Variants in MT4 observed in about 807,000 individuals in gnomAD.
MT4 encodes metallothionein-4.
MT4 carries 11 observed loss-of-function variants against 9.5 expected under a neutral mutation model. The ratio of observed to expected loss-of-function variants is 1.16; its 90% CI spans 0.73 to 1.92. The LOEUF is 1.92. MT4 is among the 30% of genes most tolerant of loss of function. MT4 has a pLI of 0.00. For synonymous variants in MT4, 29 were observed against 24.6 expected, an observed-to-expected ratio of 1.18 and a Z score of -0.53; for missense variants, 88 against 78.7, an observed-to-expected ratio of 1.12 and a Z score of -0.45.
At chr16:56,568,442 T>C (rs1161180687) in intron 2 of MT4, among the ~76,000 whole-genome samples, 1 of 152,012 alleles carries the variant, frequency 6.6e-6, no homozygotes, top group African/African-American at 2.4e-5. Flanking sequence ...ATGAGAACTA[T>C]GTAGAGACCT....
At chr16:56,566,718 GA>G (rs59867654) in intron 1 of MT4, among the ~76,000 whole-genome samples, 4,832 of 25,086 alleles carry the variant, frequency 0.19, 130 homozygotes, top group South Asian at 0.3. Flanking sequence ...AAGAAAGAAA[GA>G]AAGAAAGAAA....
chr16:56,565,359 G>T (rs1207067510), intron 1 of MT4, among the ~76,000 whole-genome samples, 200 bp downstream of exon 1: 3 of 152,304 alleles, frequency 2.0e-5, no homozygotes, highest in Non-Finnish European at 4.4e-5. Flanking sequence ...TTCTAGAATC[G>T]ATATCCTAGC....
intron 2 of MT4, among the ~76,000 whole-genome samples, chr16:56,568,271 GAGAA>G (rs58324349): frequency 3.9e-3 from 228 of 58,592 alleles, no homozygotes; most frequent in African/African-American, 9.3e-3. Context: ...GAGAGAGAGA[GAGAA>G]AGAAAGAAAG....
chr16:56,565,100 A>G lies in MT4; in HGVS notation c.-29A>G. 1.9e-6 allele frequency: 3 copies of G among 1,612,700 alleles called. No homozygotes were observed. Among genetic ancestry groups the G allele is most frequent in the Non-Finnish European group, 2.5e-6 (3 of 1,179,380 alleles). On this transcript the variant is annotated 5_prime_UTR_variant, in exon 1 of 3. Coordinates refer to ENST00000219162, the MANE Select transcript of MT4 (RefSeq NM_032935.3). The stretch of plus-strand genomic sequence containing the variant: ...TCAGCCTCCCTTCCCCAGCCGTGAC[A>G]GCACTGGAGCCTTTCGGACACCTGG...
chr16:56,566,722 GAAAGAAA>G lies in MT4; in HGVS notation c.32-1028_32-1022del, dbSNP rs1567329791. Among the ~76,000 whole-genome samples the G allele has an allele frequency of 8.9e-3, 431 of 48,468 alleles. 3 individuals are homozygous for G. The highest frequency in any genetic ancestry group is 0.055 in the South Asian group (75 of 1,368). The allele number at this position is 48,468 out of a possible 152,430, so 31.8% of individuals were successfully genotyped here. Reference sequence around the variant, plus strand: ...AAAGAGAAAGAAAGAAAGAAAGAAAGAAAGAAAGAAAGAAAGAAAGAAAGAAGGAAGG... The same window carrying G: ...AAAGAGAAAGAAAGAAAGAAAGAAAGGAAAGAAAGAAAGAAAGAAGGAAGG... On this transcript the variant is annotated intron_variant, in intron 1 of 2. Coordinates refer to ENST00000219162, the MANE Select transcript of MT4 (RefSeq NM_032935.3).
chr16:56,568,257 A>AAGAGAGAGAG (rs200348412), intron 2 of MT4, among the ~76,000 whole-genome samples: 6 of 83,288 alleles, frequency 7.2e-5, no homozygotes, highest in East Asian at 7.5e-4. Context: ...GAAAGAAAGA[A>AAGAGAGAGAG]AGAGAGAGAG....
chr16:56,565,181 G>A (rs1272672592), intron 1 of MT4, 22 bp downstream of exon 1: 11 of 1,607,770 alleles, frequency 6.8e-6, no homozygotes, highest in African/African-American at 1.3e-5. Flanking sequence ...AGCCCTCCCT[G>A]GGGTCTGGGA....
chr16:56,568,249 A>AGAG lies in MT4; in HGVS notation c.97+433_97+434insGAG, dbSNP rs1567330579. 8.9e-4 allele frequency among the ~76,000 whole-genome samples: 40 copies of AGAG among 45,058 alleles called. 2 individuals are homozygous for AGAG. Among genetic ancestry groups the AGAG allele is most frequent in the South Asian group, 2.0e-3 (2 of 1,018 alleles). 29.6% of individuals were successfully genotyped at this position (45,058 alleles called of 152,430 possible). A position where few individuals can be genotyped will look rare whatever the true frequency, so the allele number is the denominator to read the frequency against. ...AAAGAAAGAAAGAAAGAAAGAAAGA[A>AGAG]AGAAAGAAAGAGAGAGAGAGAGAGA... is the stretch of plus-strand genomic sequence containing the variant. On this transcript the variant is annotated intron_variant, in intron 2 of 2. Transcript: ENST00000219162.
chr16:56,567,702 C>T (rs772773339), intron 1 of MT4, 49 bp from the exon 2 acceptor site: 7 of 1,557,430 alleles, frequency 4.5e-6, no homozygotes, highest in East Asian at 2.3e-5. Flanking sequence ...TTATGTTCCC[C>T]ACTCCATCTC....
At chr16:56,568,197 A>AAG (rs369467435) in intron 2 of MT4, among the ~76,000 whole-genome samples, 5 of 93,596 alleles carry the variant, frequency 5.3e-5, no homozygotes, top group South Asian at 5.1e-4. Context: ...GGAAGGAAGG[A>AAG]AGAGAGAGAG....
At chr16:56,566,811 AAAGAAAGAAAAGAAAGAAAGAAAGAAAG>A (rs1959537918) in intron 1 of MT4, among the ~76,000 whole-genome samples, 3 of 46,638 alleles carry the variant, frequency 6.4e-5, no homozygotes, top group Admixed American at 6.1e-4. Context: ...AGAAAGAAAG[AAAGAAAGAAAAGAAAGAAAGAAAGAAAG>A]AAAGAAAGAA....
At chr16:56,566,291 A>G (rs1385778523) in intron 1 of MT4, among the ~76,000 whole-genome samples, 1 of 151,924 alleles carries the variant, frequency 6.6e-6, no homozygotes, top group Admixed American at 6.6e-5. Flanking sequence ...GGGGAGTCCA[A>G]GGCAGGATGA....
intron 1 of MT4, among the ~76,000 whole-genome samples, chr16:56,566,759 A>G (rs1220594247): frequency 1.3e-4 from 10 of 75,316 alleles, no homozygotes; most frequent in Non-Finnish European, 2.8e-4. Context: ...GGAAGGAAGG[A>G]AGGAAGGAAG....
In MT4 at chr16:56,568,273, GAAAGAAAGAA is replaced by G. The variant is rs1415173304; in HGVS notation, c.97+459_97+468del. 3.9e-3 allele frequency among the ~76,000 whole-genome samples: 386 copies of G among 99,060 alleles called. 3 individuals are homozygous for G. The highest frequency in any genetic ancestry group is 9.2e-3 in the African/African-American group (206 of 22,340). The allele number at this position is 99,060 out of a possible 152,430, so 65.0% of individuals were successfully genotyped here. A position where few individuals can be genotyped will look rare whatever the true frequency, so the allele number is the denominator to read the frequency against. On this transcript the variant is annotated intron_variant, in intron 2 of 2. Transcript: ENST00000219162. ...AAAGAAAGAAAGAGAGAGAGAGAGA[GAAAGAAAGAA>G]AGAAAGAAAGAAAGAAAGAAAGAAA...
At position 56,566,726 on chromosome 16, in the gene MT4, GAAAGAAAGAAA is replaced by G. The variant is rs1567329814; in HGVS notation, c.32-1024_32-1014del. Among the ~76,000 whole-genome samples the G allele has an allele frequency of 9.8e-3, 458 of 46,908 alleles. 3 individuals are homozygous for G. Among genetic ancestry groups the G allele is most frequent in the Non-Finnish European group, 0.011 (260 of 23,716 alleles). The allele number at this position is 46,908 out of a possible 152,430, so 30.8% of individuals were successfully genotyped here. On this transcript the variant is annotated intron_variant, in intron 1 of 2. Transcript: ENST00000219162. ...AGAAAGAAAGAAAGAAAGAAAGAAA[GAAAGAAAGAAA>G]GAAAGAAAGAAGGAAGGAAGGAAGG...
chr16:56,565,289 G>T, intron 1 of MT4, 130 bp downstream of exon 1: 1 of 940,198 alleles, frequency 1.1e-6, no homozygotes, highest in Non-Finnish European at 1.6e-6. Flanking sequence ...CCTGGGAGCC[G>T]ACAGGTGGAC....
intron 2 of MT4, among the ~76,000 whole-genome samples, chr16:56,568,267 G>GAA (rs1567330627): frequency 2.4e-3 from 166 of 68,532 alleles, no homozygotes; most frequent in East Asian, 0.012. Context: ...AAGAGAGAGA[G>GAA]AGAGAGAAAG....
rs1218861511 is a variant in MT4 at position 56,568,209 on chromosome 16, GAGAGAGAAAGAAAGAAAGAA to G, written c.97+397_97+416del. Among the ~76,000 whole-genome samples the G allele has an allele frequency of 7.6e-4, 47 of 61,518 alleles. 2 individuals carry two copies. The highest frequency in any genetic ancestry group is 7.7e-3 in the Middle Eastern group (1 of 130). The allele number at this position is 61,518 out of a possible 152,430, so 40.4% of individuals were successfully genotyped here. On this transcript the variant is annotated intron_variant, in intron 2 of 2. Transcript: ENST00000219162. ...GAAGGAAGGAAGGAAGAGAGAGAGA[GAGAGAGAAAGAAAGAAAGAA>G]AGAAAGAAAGAAAGAAAGAAAGAAA...
At chr16:56,567,083 G>T (rs1041424683) in intron 1 of MT4, among the ~76,000 whole-genome samples, 1 of 152,182 alleles carries the variant, frequency 6.6e-6, no homozygotes, top group Non-Finnish European at 1.5e-5. Flanking sequence ...GAGTGCAGAG[G>T]TGTGATCTCG....
Sources: gnomAD v4.1 joint callset for allele counts (sites outside exome capture counted in the v4.1 genomes callset) on GRCh38, gnomAD v4.1.1 for gene constraint, MANE v1.5 for transcripts, NCBI Gene and HGNC (gene_info 2026-07-23, HGNC 2026-07-21) for gene names.